Variants in MEGF8 observed in about 807,000 individuals in gnomAD.
MEGF8 encodes the protein multiple EGF like domains 8, also known as multiple epidermal growth factor-like domains protein 8.
In MEGF8, 156 loss-of-function variants were observed where a neutral mutation model predicts 302.9. The observed-to-expected ratio is 0.52, with a 90% CI of 0.45 to 0.59. MEGF8 has a LOEUF of 0.59. MEGF8 is among the 20% of genes least tolerant of loss of function. The pLI, the probability that MEGF8 is intolerant of heterozygous loss-of-function variation, is 0.00. For synonymous variants in MEGF8, 1,621 were observed against 1,660.5 expected (o/e 0.98, Z 0.58); for missense variants, 3,345 against 3,964.5 (o/e 0.84, Z 4.20).
Position 42,358,334 on chromosome 19 carries a change from G to T in MEGF8, c.5175+27G>T. 1 of 1,580,338 alleles carries T rather than the reference G, an allele frequency of 6.3e-7. No homozygotes were observed. Among genetic ancestry groups the T allele is most frequent in the Admixed American group, 1.8e-5 (1 of 54,434 alleles). ...TCAGGAAAAGAGGCTCAGACCCAAG[G>T]ATGTATGGGGCAGGAGGGAGGGGTC... On this transcript the variant is annotated intron_variant, in intron 29 of 41. Transcript: ENST00000251268. This position sits in a 1 kb window ranked among gnomAD's most constrained non-coding sequence, Gnocchi z 4.4.
chr19:42,334,836 C>A (rs1237744192), intron 3 of MEGF8, among the ~76,000 whole-genome samples, 199 bp from the exon 4 acceptor site: 1 of 151,930 alleles, frequency 6.6e-6, no homozygotes, highest in Non-Finnish European at 1.5e-5. Context: ...GTTTGCCTTT[C>A]CCCTCTTCCT....
In MEGF8 at chr19:42,349,752, C is replaced by G. The variant is rs1005365622; in HGVS notation, c.2499+53C>G. On this transcript the variant is annotated intron_variant, in intron 14 of 41. Transcript: ENST00000251268. ...CTAGCCGCAGGCCCCAGCCTCAGAT[C>G]ACCTGGGCTTTCTGAACCCCAGGCC... 8 of 1,562,814 alleles carry G rather than the reference C, an allele frequency of 5.1e-6. No homozygotes were observed. The Admixed American group carries it at 1.4e-4, about 27-fold the overall frequency.
At chr19:42,360,290 C>T (rs951858345) in intron 31 of MEGF8, among the ~76,000 whole-genome samples, 1 of 151,554 alleles carries the variant, frequency 6.6e-6, no homozygotes, top group Admixed American at 6.6e-5. Flanking sequence ...GTCTCTCTCC[C>T]TCTCTTTTTT....
At chr19:42,367,786 C>T (rs748315534) in intron 35 of MEGF8, among the ~76,000 whole-genome samples, 1 of 152,206 alleles carries the variant, frequency 6.6e-6, no homozygotes, top group Admixed American at 6.5e-5. Context: ...GCCTTTCTAT[C>T]TGTCTTTAGG....
rs755644539 is a variant in MEGF8, at chr19:42,353,778, C to T, written c.3765C>T (p.Ala1255=). ...TGGCTCTTCTCCATCTCCCCAGGGC[C>T]GGTGGTTCCTGCTTTCGGGAGTGTG... ...CSPGYYGDPR[A]GGSCFRECGG... is the part of the protein sequence containing the mutation. Residue 1255 remains alanine (A), a synonymous_variant, in exon 22 of 42, where the codon GCC becomes GCT. Coordinates refer to ENST00000251268, the MANE Select transcript of MEGF8 (RefSeq NM_001271938.2). This position sits in a 1 kb window ranked among gnomAD's most constrained non-coding sequence, Gnocchi z 6.1. The T allele has an allele frequency of 3.2e-5, 51 of 1,596,748 alleles. 1 individual carries two copies. The highest frequency in any genetic ancestry group is 3.0e-4 in the South Asian group (27 of 88,952).
At chr19:42,340,761 G>A (rs1185456857) in intron 8 of MEGF8, among the ~76,000 whole-genome samples, 4 of 152,010 alleles carry the variant, frequency 2.6e-5, no homozygotes, top group Admixed American at 1.3e-4. Context: ...TCCACCTCCC[G>A]TGTTCAAGCT....
At chr19:42,349,404 G>C in intron 13 of MEGF8, 95 bp from the exon 14 acceptor site, 2 of 1,087,868 alleles carry the variant, frequency 1.8e-6, no homozygotes, top group Admixed American at 2.5e-5. Context: ...TCTTAGGAGG[G>C]GGTGGGGTAC....
At chr19:42,365,851 A>C (rs2039597549) in intron 35 of MEGF8, among the ~76,000 whole-genome samples, 1 of 149,160 alleles carries the variant, frequency 6.7e-6, no homozygotes, top group Admixed American at 6.7e-5. Flanking sequence ...TGGGAGGCTG[A>C]GGTGGGTGGA....
In MEGF8 at chr19:42,358,348, G is replaced by C; in HGVS notation, c.5175+41G>C. 6.5e-7 allele frequency: 1 copy of C among 1,546,304 alleles called. No homozygotes were observed. The highest frequency in any genetic ancestry group is 8.7e-7 in the Non-Finnish European group (1 of 1,151,712). On this transcript the variant is annotated intron_variant, in intron 29 of 41. Coordinates refer to ENST00000251268, the MANE Select transcript of MEGF8 (RefSeq NM_001271938.2). This position sits in a 1 kb window ranked among gnomAD's most constrained non-coding sequence, Gnocchi z 4.4. ...TCAGACCCAAGGATGTATGGGGCAG[G>C]AGGGAGGGGTCCTCTTTCCCAGTGC...
intron 1 of MEGF8, among the ~76,000 whole-genome samples, chr19:42,333,354 C>G (rs984658504): frequency 2.6e-5 from 4 of 152,208 alleles, no homozygotes; most frequent in Non-Finnish European, 5.9e-5. Flanking sequence ...ATTCTGATCT[C>G]AGGTGACCTT....
intron 12 of MEGF8, among the ~76,000 whole-genome samples, chr19:42,345,937 G>A (rs1021915043): frequency 6.6e-6 from 1 of 152,150 alleles, no homozygotes; most frequent in African/African-American, 2.4e-5. Context: ...CTCTCTCTCT[G>A]TCGCCCAGGC....
chr19:42,344,195 A>G lies in MEGF8; in HGVS notation c.1788+122A>G, dbSNP rs1427865700. 5.6e-5 allele frequency: 78 copies of G among 1,388,822 alleles called. No homozygotes were observed. Among genetic ancestry groups the G allele is most frequent in the Non-Finnish European group, 6.9e-5 (72 of 1,042,352 alleles). The allele number at this position is 1,388,822 out of a possible 1,614,324, so 86.0% of individuals were successfully genotyped here. ...TGGGAGACTTGTTTTCATGCCGGAG[A>G]TCCTCCTTCCTGATTCCTGACTGCG... On this transcript the variant is annotated intron_variant, in intron 10 of 41. Coordinates refer to ENST00000251268, the MANE Select transcript of MEGF8 (RefSeq NM_001271938.2). The surrounding 1 kb of genome is among the most constrained non-coding windows in gnomAD (Gnocchi z 4.5).
In MEGF8 at chr19:42,376,678, G is replaced by A; in HGVS notation, c.8441G>A (p.Cys2814Tyr). 1 of 1,516,896 alleles carries A rather than the reference G, an allele frequency of 6.6e-7. No individual in the cohort carries two copies. The highest frequency in any genetic ancestry group is 8.8e-7 in the Non-Finnish European group (1 of 1,132,458). The allele number at this position is 1,516,896 out of a possible 1,614,324, so 94.0% of individuals were successfully genotyped here. The change falls in exon 42 of 42, where the codon TGT (cysteine) becomes TAT (tyrosine). Residue 2814 changes from cysteine (C) to tyrosine (Y), a missense_variant. By Grantham distance (194) the Cys-to-Tyr change is radical. Coordinates refer to ENST00000251268, the MANE Select transcript of MEGF8 (RefSeq NM_001271938.2). This position sits in a 1 kb window ranked among gnomAD's most constrained non-coding sequence, Gnocchi z 8.2. ...CTGCGGCACAGGCTGCACGAGTACTGTGGGGGTGGTGGGGGTGCTGGGGGC... is the reference window on the plus strand; with the variant it reads ...CTGCGGCACAGGCTGCACGAGTACTATGGGGGTGGTGGGGGTGCTGGGGGC... ...VTLRHRLHEYCGGGGGAGGSG... is the reference protein window; with the variant it reads ...VTLRHRLHEYYGGGGGAGGSG...
At chr19:42,339,931 G>A (rs927173885) in intron 8 of MEGF8, among the ~76,000 whole-genome samples, 1 of 152,088 alleles carries the variant, frequency 6.6e-6, no homozygotes, top group Non-Finnish European at 1.5e-5. Flanking sequence ...GGTGGCATGC[G>A]CCTGTAGTCC....
intron 35 of MEGF8, among the ~76,000 whole-genome samples, chr19:42,367,520 C>T (rs2039625612): frequency 6.6e-6 from 1 of 152,106 alleles, no homozygotes; most frequent in Non-Finnish European, 1.5e-5. Flanking sequence ...GGTCTCCTGA[C>T]CTCGTGATCC....
Position 42,337,147 on chromosome 19 carries a change from A to G in MEGF8, c.1454A>G (p.His485Arg). Residue 485 changes from histidine to arginine, a missense_variant, in exon 8 of 42, where the codon CAC becomes CGC. Physicochemically the swap from His to Arg is conservative, Grantham distance 29 (BLOSUM62 0). Transcript: ENST00000251268. Reference sequence around the variant, plus strand: ...TACGAAGATGGCATCTTCTTCTACCACCTTGGCTGCCATCAATGGGTGTCA... The same window carrying G: ...TACGAAGATGGCATCTTCTTCTACCGCCTTGGCTGCCATCAATGGGTGTCA... ...KCYEDGIFFY[H>R]LGCHQWVSGA... is the part of the protein sequence containing the mutation. 6.2e-7 allele frequency: 1 copy of G among 1,613,708 alleles called. No individual in the cohort carries two copies. Among genetic ancestry groups the G allele is most frequent in the East Asian group, 2.2e-5 (1 of 44,868 alleles).
Position 42,353,913 on chromosome 19 carries a change from C to G in MEGF8, c.3900C>G (p.Ser1300=), listed in dbSNP as rs774753718. The G allele has an allele frequency of 5.0e-6, 8 of 1,591,608 alleles. No individual in the cohort carries two copies. The Admixed American group carries it at 8.9e-5, about 18-fold the overall frequency. Residue 1300 remains serine (S), a synonymous_variant, in exon 22 of 42, where the codon TCC becomes TCG. Coordinates refer to ENST00000251268, the MANE Select transcript of MEGF8 (RefSeq NM_001271938.2). The surrounding 1 kb of genome is among the most constrained non-coding windows in gnomAD (Gnocchi z 6.1). ...GGAARAGPGL[S]YCVWVVSATE... is the part of the protein sequence containing the mutation. ...CTGCAAGAGCCGGGCCTGGCCTGTC[C>G]TACTGTGTGTGGGTTGTCTCGGCCA...
At chr19:42,372,072 CA>C (rs769014166) in intron 41 of MEGF8, among the ~76,000 whole-genome samples, 61 of 77,688 alleles carry the variant, frequency 7.9e-4, no homozygotes, top group East Asian at 1.6e-3. Context: ...ACAACAACAA[CA>C]AACACACACA....
intron 32 of MEGF8, 39 bp from the exon 33 acceptor site, chr19:42,362,051 C>G: frequency 1.2e-6 from 2 of 1,605,634 alleles, no homozygotes; most frequent in Non-Finnish European, 1.7e-6. Context: ...AGGAGGGGGT[C>G]TGGATGGGTG....
Sources: gnomAD v4.1 joint callset for allele counts (sites outside exome capture counted in the v4.1 genomes callset) on GRCh38, gnomAD v4.1.1 for gene constraint, Gnocchi (gnomAD v3.1) non-coding constraint, MANE v1.5 for transcripts, NCBI Gene and HGNC (gene_info 2026-07-23, HGNC 2026-07-21) for gene names.